Variants in CFAP20DC observed in about 807,000 individuals in gnomAD.
CFAP20DC encodes protein CFAP20DC.
In CFAP20DC, 84 loss-of-function variants were observed where a neutral mutation model predicts 101.7. The observed-to-expected ratio is 0.83, with a 90% CI of 0.69 to 0.99. The LOEUF is 0.99. Ranked by LOEUF, CFAP20DC falls within the 50% of genes least tolerant of loss-of-function variation. The pLI is 0.00. For missense variants in CFAP20DC, 1,007 were observed against 970.3 expected, an observed-to-expected ratio of 1.04 and a Z score of -0.50; for synonymous variants, 359 against 351.2, an observed-to-expected ratio of 1.02 and a Z score of -0.25.
rs755759454 is a variant in CFAP20DC at position 58,913,857 on chromosome 3, T to C, written c.401A>G (p.Asn134Ser). Residue 134 changes from asparagine (N) to serine (S), a missense_variant, in exon 6 of 17, where the codon AAT becomes AGT. Coordinates refer to ENST00000482387, the MANE Select transcript of CFAP20DC (RefSeq NM_001394063.1). This position sits in a 1 kb window ranked among gnomAD's most constrained non-coding sequence, Gnocchi z 4.4. ...GAATGCTACTAAGTCAATGCATAGA[T>C]TGCACCACTAAAATAGAGAGATGCA... ...LFMIKRKIWC[N>S]LCIDLVAFTS... is the part of the protein sequence containing the mutation. 4.3e-5 allele frequency: 69 copies of C among 1,613,272 alleles called. No individual in the cohort carries two copies. Among genetic ancestry groups the C allele is most frequent in the Admixed American group, 1.5e-4 (9 of 59,880 alleles).
intron 14 of CFAP20DC, among the ~76,000 whole-genome samples, chr3:58,825,497 C>T (rs1296240957): frequency 6.6e-6 from 1 of 151,780 alleles, no homozygotes. Flanking sequence ...TCCCATGAAG[C>T]AGTGTCCATT....
chr3:58,760,538 C>G (rs1341388417), intron 15 of CFAP20DC, among the ~76,000 whole-genome samples: 1 of 152,114 alleles, frequency 6.6e-6, no homozygotes, highest in African/African-American at 2.4e-5. Flanking sequence ...CCTTCTCCTG[C>G]CTGATTGCCC....
chr3:58,743,141 C>T (rs1045947099), intron 16 of CFAP20DC, among the ~76,000 whole-genome samples: 4 of 152,090 alleles, frequency 2.6e-5, no homozygotes, highest in Non-Finnish European at 5.9e-5. Context: ...GGGAAGTCTG[C>T]TCAGTGTTTT....
intron 12 of CFAP20DC, among the ~76,000 whole-genome samples, chr3:58,857,510 C>T (rs1322311252): frequency 6.6e-6 from 1 of 152,034 alleles, no homozygotes; most frequent in African/African-American, 2.4e-5. Context: ...AGCTGTGTAC[C>T]CTGATGAGCA....
chr3:58,947,519 C>A (rs1452416568), intron 4 of CFAP20DC, among the ~76,000 whole-genome samples: 1 of 152,188 alleles, frequency 6.6e-6, no homozygotes, highest in South Asian at 2.1e-4. Flanking sequence ...CCCATTAAAT[C>A]TGGGCCATGT....
chr3:58,827,806 T>C (rs1045474383), intron 14 of CFAP20DC, among the ~76,000 whole-genome samples: 1 of 152,240 alleles, frequency 6.6e-6, no homozygotes, highest in Non-Finnish European at 1.5e-5. Flanking sequence ...GATAAGGCTT[T>C]ATCTGTATCC....
rs1351981465 is a variant in CFAP20DC at position 58,742,521 on chromosome 3, T to C, written c.2384A>G (p.Tyr795Cys). ...AAAGTAACAGTTCAGACAAGGGTCA[T>C]ACAACAAAGTCAGTACTTCCTCGTC... ...EEDEEVLTLL[Y>C]DPCLNCYFDP... The change falls in exon 17 of 17, where the codon TAT becomes TGT. Residue 795 changes from tyrosine to cysteine, a missense_variant. Transcript: ENST00000482387. 4 of 1,609,872 alleles carry C rather than the reference T, an allele frequency of 2.5e-6. No individual in the cohort carries two copies. Among genetic ancestry groups the C allele is most frequent in the African/African-American group, 2.7e-5 (2 of 74,794 alleles).
intron 4 of CFAP20DC, among the ~76,000 whole-genome samples, chr3:58,966,894 T>C (rs1472800360): frequency 1.3e-5 from 2 of 152,156 alleles, no homozygotes; most frequent in Non-Finnish European, 2.9e-5. Context: ...GAAGACAATA[T>C]TTTTAAGATG....
In CFAP20DC at chr3:58,815,019, T is replaced by C. The variant is rs1381651730; in HGVS notation, c.2176-8563A>G. Among the ~76,000 whole-genome samples, 33 of 151,532 alleles carry C rather than the reference T, an allele frequency of 2.2e-4. 1 individual carries two copies. The highest frequency in any genetic ancestry group is 1.8e-3 in the Admixed American group (27 of 15,220). ...TTGGAAAAAACTACTTTAAAGTTCA[T>C]ATGGAACCAAAAAAGAGCCCGCATC... is the stretch of plus-strand genomic sequence containing the variant. On this transcript the variant is annotated intron_variant, in intron 14 of 16. Transcript: ENST00000482387.
intron 4 of CFAP20DC, among the ~76,000 whole-genome samples, chr3:58,969,987 C>A (rs780154605): frequency 1.3e-5 from 2 of 151,946 alleles, no homozygotes; most frequent in Admixed American, 1.3e-4. Context: ...ACAGAATCAT[C>A]CACTTTAAAA....
At chr3:58,886,393 C>T (rs1207528137) in intron 6 of CFAP20DC, among the ~76,000 whole-genome samples, 3 of 151,856 alleles carry the variant, frequency 2.0e-5, no homozygotes, top group African/African-American at 7.3e-5. Flanking sequence ...AAAACAGATA[C>T]AAAAAACTCT....
At chr3:58,902,937 T>C (rs1399593118) in intron 6 of CFAP20DC, among the ~76,000 whole-genome samples, 2 of 152,172 alleles carry the variant, frequency 1.3e-5, no homozygotes, top group Non-Finnish European at 2.9e-5. Flanking sequence ...CTGCACTTGG[T>C]TGAAAATCTG....
rs957014724 is a variant in CFAP20DC, at chr3:58,876,662, G to C, written c.716-6353C>G. Among the ~76,000 whole-genome samples, 31 of 151,960 alleles carry C rather than the reference G, an allele frequency of 2.0e-4. 1 individual carries two copies. The highest frequency in any genetic ancestry group is 2.9e-5 in the Non-Finnish European group (2 of 67,982). ...GGGTCTACTCTCTAATTGTCTTTTA[G>C]AAAAATAAACATTCATTTTTGTCTC... On this transcript the variant is annotated intron_variant, in intron 7 of 16. Transcript: ENST00000482387.
intron 4 of CFAP20DC, among the ~76,000 whole-genome samples, chr3:58,983,704 C>T (rs962220739): frequency 5.3e-5 from 8 of 151,942 alleles, no homozygotes; most frequent in Non-Finnish European, 1.5e-5. Context: ...ATAATAAATA[C>T]CTATATATGG....
intron 13 of CFAP20DC, among the ~76,000 whole-genome samples, chr3:58,844,184 G>T (rs1179283192): frequency 7.8e-6 from 1 of 128,132 alleles, no homozygotes; most frequent in Non-Finnish European, 1.6e-5. Flanking sequence ...AAATGTAAAT[G>T]GACTAAATGC....
chr3:58,742,472 ATAG>A lies in CFAP20DC; in HGVS notation c.2430_2432del (p.Tyr811del). 6.2e-7 allele frequency: 1 copy of A among 1,603,970 alleles called. No individual in the cohort carries two copies. Among genetic ancestry groups the A allele is most frequent in the African/African-American group, 1.3e-5 (1 of 74,664 alleles). On this transcript the variant is annotated inframe_deletion, in exon 17 of 17. Transcript: ENST00000482387. ...CCGGAAGGAGGCATTATACCAACTC[ATAG>A]TATTTCCCTGTTTGGGGGTCAAAGT... is the stretch of plus-strand genomic sequence containing the variant.
intron 3 of CFAP20DC, among the ~76,000 whole-genome samples, chr3:59,043,240 C>T (rs1381963949): frequency 6.6e-6 from 1 of 151,944 alleles, no homozygotes; most frequent in Non-Finnish European, 1.5e-5. Context: ...GACGCTGCAA[C>T]ATTAATTCAA....
At chr3:58,775,869 C>CTAAG (rs2071292734) in intron 15 of CFAP20DC, among the ~76,000 whole-genome samples, 1 of 151,906 alleles carries the variant, frequency 6.6e-6, no homozygotes, top group South Asian at 2.1e-4. Flanking sequence ...CCTCAGCCTC[C>CTAAG]TAAGTAGCTG....
chr3:58,912,878 G>A lies in CFAP20DC; in HGVS notation c.550+830C>T, dbSNP rs1339411590. ...AAAATTAATATGATTTCTCCCAAATGACTTCCTGAAATGTACACAGAGTAA... is the reference window on the plus strand; with the variant it reads ...AAAATTAATATGATTTCTCCCAAATAACTTCCTGAAATGTACACAGAGTAA... On this transcript the variant is annotated intron_variant, in intron 6 of 16. Transcript: ENST00000482387. This position sits in a 1 kb window ranked among gnomAD's most constrained non-coding sequence, Gnocchi z 4.4. 5.1e-6 allele frequency: 2 copies of A among 392,948 alleles called. No homozygotes were observed. Among genetic ancestry groups the A allele is most frequent in the African/African-American group, 4.2e-5 (2 of 47,582 alleles). 24.3% of individuals were successfully genotyped at this position (392,948 alleles called of 1,614,324 possible). A position where few individuals can be genotyped will look rare whatever the true frequency, so the allele number is the denominator to read the frequency against.
Sources: gnomAD v4.1 joint callset for allele counts (sites outside exome capture counted in the v4.1 genomes callset) on GRCh38, gnomAD v4.1.1 for gene constraint, Gnocchi (gnomAD v3.1) non-coding constraint, MANE v1.5 for transcripts, NCBI Gene and HGNC (gene_info 2026-07-23, HGNC 2026-07-21) for gene names.